Variants in RSF1 observed in about 807,000 individuals in gnomAD.
RSF1 encodes HBV pX-associated protein 8.
In RSF1, 13 loss-of-function variants were observed where a neutral mutation model predicts 145.2. The observed-to-expected ratio is 0.09, with a 90% CI of 0.06 to 0.14. RSF1 has a LOEUF of 0.14. Ranked by LOEUF, RSF1 falls within the 10% of genes least tolerant of loss-of-function variation. The probability of loss-of-function intolerance (pLI) is 1.00; values close to 1 mark genes in which losing one functional copy is unlikely to be tolerated. For missense variants in RSF1, 1,517 were observed against 1,718.2 expected (o/e 0.88, Z 2.07); for synonymous variants, 577 against 592.6 (o/e 0.97, Z 0.38).
At chr11:77,711,477 G>A (rs1960682894) in intron 5 of RSF1, among the ~76,000 whole-genome samples, 1 of 151,808 alleles carries the variant, frequency 6.6e-6, no homozygotes, top group Non-Finnish European at 1.5e-5. Flanking sequence ...GACCAGCCTG[G>A]CCAACATGGT....
chr11:77,709,068 TAGTA>T (rs1198245223), intron 5 of RSF1, among the ~76,000 whole-genome samples: 1 of 152,180 alleles, frequency 6.6e-6, no homozygotes, highest in African/African-American at 2.4e-5. Context: ...TGCTCTAACA[TAGTA>T]AGTAAGCAGG....
chr11:77,686,944 G>A (rs1412811095), intron 9 of RSF1, among the ~76,000 whole-genome samples: 1 of 152,186 alleles, frequency 6.6e-6, no homozygotes, highest in African/African-American at 2.4e-5. Context: ...GTTGCTTAGG[G>A]AGTAAACAGG....
chr11:77,713,231 T>C (rs781305826), intron 5 of RSF1, among the ~76,000 whole-genome samples: 5 of 152,184 alleles, frequency 3.3e-5, no homozygotes, highest in Non-Finnish European at 7.3e-5. Flanking sequence ...ACGAGAAGAT[T>C]CCTATACAAA....
At chr11:77,748,416 G>C (rs942457562) in intron 2 of RSF1, among the ~76,000 whole-genome samples, 1 of 151,392 alleles carries the variant, frequency 6.6e-6, no homozygotes, top group African/African-American at 2.4e-5. Flanking sequence ...GTAGAGACGG[G>C]GTTTCTTCAT....
chr11:77,689,000 C>A (rs1294178802), intron 9 of RSF1, among the ~76,000 whole-genome samples: 2 of 152,116 alleles, frequency 1.3e-5, no homozygotes, highest in Admixed American at 6.5e-5. Context: ...TGCCTTAAGG[C>A]AAGCTAAATT....
At chr11:77,748,714 T>C (rs185693488) in intron 2 of RSF1, among the ~76,000 whole-genome samples, 1 of 152,292 alleles carries the variant, frequency 6.6e-6, no homozygotes, top group African/African-American at 2.4e-5. Flanking sequence ...AGGTTGTTAC[T>C]GGGAATGTAA....
At chr11:77,868,249 G>A in the RSF1 span, among the ~76,000 whole-genome samples, 1 of 150,916 alleles carries the variant, frequency 6.6e-6, no homozygotes, top group Admixed American at 6.6e-5. Context: ...TGGAGACGGG[G>A]TTTCACCGTG....
At chr11:77,737,406 C>G (rs1156939960) in intron 4 of RSF1, among the ~76,000 whole-genome samples, 1 of 151,604 alleles carries the variant, frequency 6.6e-6, no homozygotes, top group East Asian at 1.9e-4. Context: ...TGAGATCGCA[C>G]CACTGCACTC....
Position 77,734,308 on chromosome 11 carries a change from T to TG in RSF1, c.578+6422dup, listed in dbSNP as rs34599168. Among the ~76,000 whole-genome samples, 455 of 144,150 alleles carry TG rather than the reference T, an allele frequency of 3.2e-3. 2 individuals carry two copies. Among genetic ancestry groups the TG allele is most frequent in the African/African-American group, 8.1e-3 (310 of 38,274 alleles). 94.6% of individuals were successfully genotyped at this position (144,150 alleles called of 152,430 possible). A position where few individuals can be genotyped will look rare whatever the true frequency, so the allele number is the denominator to read the frequency against. ...TTTATATTATTATTATTACTTTTTT[T>TG]GGGGGGGGGTACCAAATTTCTTCAT... On this transcript the variant is annotated intron_variant, in intron 4 of 15. Transcript: ENST00000308488.
Position 77,662,009 on chromosome 11 carries a change from C to T in RSF1, c.*4908G>A, listed in dbSNP as rs546139663. On this transcript the variant is annotated 3_prime_UTR_variant, in exon 16 of 16. Transcript: ENST00000308488. ...TAACAATTCCATTCTTAACTTACAT[C>T]ATCCAGTGGCAAAAAGCACGAGGCA... 2 of 152,066 alleles carry T rather than the reference C, an allele frequency of 1.3e-5. No individual in the cohort carries two copies. The highest frequency in any genetic ancestry group is 2.9e-5 in the Non-Finnish European group (2 of 67,980). 9.4% of individuals were successfully genotyped at this position (152,066 alleles called of 1,614,324 possible). A position where few individuals can be genotyped will look rare whatever the true frequency, so the allele number is the denominator to read the frequency against.
the RSF1 span, among the ~76,000 whole-genome samples, chr11:77,829,014 G>A: frequency 3.9e-5 from 6 of 152,170 alleles, no homozygotes; most frequent in African/African-American, 1.4e-4. Flanking sequence ...GTGTAGTAAT[G>A]GCATATGACA....
At chr11:77,792,514 A>G (rs1490395896) in intron 1 of RSF1, among the ~76,000 whole-genome samples, 1 of 152,060 alleles carries the variant, frequency 6.6e-6, no homozygotes, top group Non-Finnish European at 1.5e-5. Context: ...AAATCCCACC[A>G]CTGGGGACAG....
chr11:77,792,300 T>G (rs1948525512), intron 1 of RSF1, among the ~76,000 whole-genome samples: 1 of 152,012 alleles, frequency 6.6e-6, no homozygotes, highest in African/African-American at 2.4e-5. Flanking sequence ...CCACAACACA[T>G]GGGAATTCAA....
chr11:77,711,296 T>G (rs1378219676), intron 5 of RSF1, among the ~76,000 whole-genome samples: 1 of 152,198 alleles, frequency 6.6e-6, no homozygotes, highest in Non-Finnish European at 1.5e-5. Context: ...CATACTATTT[T>G]GTCTCAAATT....
intron 1 of RSF1, among the ~76,000 whole-genome samples, chr11:77,765,912 T>C (rs1948220637): frequency 6.6e-6 from 1 of 152,084 alleles, no homozygotes; most frequent in Non-Finnish European, 1.5e-5. Flanking sequence ...TACTCCCGGC[T>C]AGTTTTTGCA....
At chr11:77,870,638 AT>A in the RSF1 span, among the ~76,000 whole-genome samples, 1 of 151,996 alleles carries the variant, frequency 6.6e-6, no homozygotes, top group Admixed American at 6.6e-5. Flanking sequence ...TGCCTGGCTT[AT>A]TTTTTAATTT....
At chr11:77,833,005 ATATATTTT>A in the RSF1 span, among the ~76,000 whole-genome samples, 2 of 65,750 alleles carry the variant, frequency 3.0e-5, no homozygotes, top group African/African-American at 1.5e-4. Flanking sequence ...GTGTATATAT[ATATATTTT>A]TTTTTTTTTT....
At chr11:77,692,207 A>G (rs1473460823) in intron 8 of RSF1, among the ~76,000 whole-genome samples, 1 of 145,956 alleles carries the variant, frequency 6.9e-6, no homozygotes, top group Admixed American at 6.9e-5. Context: ...TCATCATTTA[A>G]AAAAAATAAT....
At chr11:77,684,546 A>ATGCTTTT (rs1368597630) in intron 10 of RSF1, among the ~76,000 whole-genome samples, 2 of 152,248 alleles carry the variant, frequency 1.3e-5, no homozygotes, top group African/African-American at 2.4e-5. Flanking sequence ...AACAGAAAAC[A>ATGCTTTT]TACTCCAAAG....
Sources: allele counts gnomAD v4.1 joint callset (sites outside exome capture counted in the v4.1 genomes callset), GRCh38; gene constraint gnomAD v4.1.1; transcripts MANE v1.5; gene names NCBI Gene and HGNC (gene_info 2026-07-23, HGNC 2026-07-21).